The following ERG variants were observed in gnomAD, a reference collection of about 807,000 sequenced individuals.
ERG encodes ETS transcription factor ERG.
A neutral mutation model predicts 55.3 loss-of-function variants in ERG; 9 were observed. The observed-to-expected ratio is 0.16, with a 90% CI of 0.10 to 0.28. ERG has a LOEUF of 0.28. ERG is among the 10% of genes least tolerant of loss of function. The probability of loss-of-function intolerance (pLI) is 1.00; values close to 1 mark genes in which losing one functional copy is unlikely to be tolerated. For missense variants in ERG, 434 were observed against 631.6 expected, an observed-to-expected ratio of 0.69 and a Z score of 3.35; for synonymous variants, 223 against 237.3, an observed-to-expected ratio of 0.94 and a Z score of 0.55.
chr21:38,479,032 C>A (rs80109907), intron 1 of ERG, among the ~76,000 whole-genome samples: 3,215 of 152,260 alleles, frequency 0.021, 61 homozygotes, highest in East Asian at 0.083. Context: ...AGGAAAACCA[C>A]AACATCATAC....
intron 5 of ERG, among the ~76,000 whole-genome samples, chr21:38,401,994 AG>A (rs1988517489): frequency 1.3e-5 from 2 of 152,234 alleles, no homozygotes; most frequent in Non-Finnish European, 2.9e-5. Flanking sequence ...AAATTATAGC[AG>A]AGGTTCCCTC....
chr21:38,527,444 C>T (rs1461248783), intron 2 of ERG, among the ~76,000 whole-genome samples: 1 of 152,154 alleles, frequency 6.6e-6, no homozygotes, highest in Non-Finnish European at 1.5e-5. Context: ...AGAGAGAATG[C>T]TTAGTGAACG....
At chr21:38,367,685 TGAAAA>T in the ERG span, 1 of 501,896 alleles carries the variant, frequency 2.0e-6, no homozygotes, top group Non-Finnish European at 3.9e-6. Flanking sequence ...GCTCCACTCT[TGAAAA>T]GAGGAAAATC....
chr21:38,549,943 GA>G (rs1438621794), intron 2 of ERG, among the ~76,000 whole-genome samples: 1 of 152,124 alleles, frequency 6.6e-6, no homozygotes, highest in Non-Finnish European at 1.5e-5. Flanking sequence ...AGGTTACACG[GA>G]AAAATTCTAC....
At chr21:38,513,222 T>C (rs971438340) in intron 2 of ERG, among the ~76,000 whole-genome samples, 3 of 152,080 alleles carry the variant, frequency 2.0e-5, no homozygotes, top group African/African-American at 7.2e-5. Context: ...AGCTTATTCA[T>C]TGAGACAAGA....
intron 1 of ERG, among the ~76,000 whole-genome samples, chr21:38,456,435 A>C (rs927233374): frequency 2.6e-5 from 4 of 152,196 alleles, no homozygotes; most frequent in African/African-American, 7.2e-5. Context: ...AATAATAATA[A>C]ATAAAAAAAT....
In ERG at chr21:38,556,094, T is replaced by C. The variant is rs2059856596; in HGVS notation, c.-41+19568A>G. Among the ~76,000 whole-genome samples the C allele has an allele frequency of 3.3e-5, 5 of 152,112 alleles. No individual in the cohort carries two copies. The South Asian group carries it at 8.3e-4, about 25-fold the overall frequency. ...GTATAGAATATACATAGGATGAAAT[T>C]GCATAGGTCACTAAACAGTTTCTAG... On this transcript the variant is annotated intron_variant, in intron 2 of 8. Transcript: ENST00000398897.
In ERG at chr21:38,429,558, CATGTAT is replaced by C. The variant is rs1224526586; in HGVS notation, c.237-6003_237-5998del. On this transcript the variant is annotated intron_variant, in intron 2 of 9. Transcript: ENST00000288319. Reference sequence around the variant, plus strand: ...ACATATATACATATGTGTATATGTACATGTATACACATGTACATATATACATATGTG... The same window carrying C: ...ACATATATACATATGTGTATATGTACACACATGTACATATATACATATGTG... 2.5e-4 allele frequency among the ~76,000 whole-genome samples: 6 copies of C among 24,236 alleles called. 3 individuals carry two copies. Among genetic ancestry groups the C allele is most frequent in the Non-Finnish European group, 7.5e-4 (6 of 7,950 alleles). 15.9% of individuals were successfully genotyped at this position (24,236 alleles called of 152,430 possible).
chr21:38,397,596 C>CAAAAAAAAAAAAA (rs61047146), intron 6 of ERG, among the ~76,000 whole-genome samples: 1 of 67,162 alleles, frequency 1.5e-5, no homozygotes, highest in African/African-American at 7.1e-5. Context: ...GACTCCATCT[C>CAAAAAAAAAAAAA]AAAAAAAAAA....
chr21:38,576,327 G>A (rs890204379), intron 1 of ERG, among the ~76,000 whole-genome samples: 5 of 152,114 alleles, frequency 3.3e-5, no homozygotes, highest in Admixed American at 2.6e-4. Flanking sequence ...AGCTGTGGAC[G>A]TCAAGACTCA....
intron 1 of ERG, among the ~76,000 whole-genome samples, chr21:38,651,093 T>C (rs1404170981): frequency 6.6e-6 from 1 of 152,256 alleles, no homozygotes; most frequent in African/African-American, 2.4e-5. Context: ...CCGCACTATT[T>C]GTTAGCTGGC....
chr21:38,539,086 T>C (rs981789125), intron 2 of ERG, among the ~76,000 whole-genome samples: 2 of 152,216 alleles, frequency 1.3e-5, no homozygotes, highest in Non-Finnish European at 2.9e-5. Context: ...TATTGTGAGC[T>C]GAAGGCACTT....
chr21:38,636,358 G>A (rs1004057482), intron 1 of ERG, among the ~76,000 whole-genome samples: 2 of 152,156 alleles, frequency 1.3e-5, no homozygotes, highest in African/African-American at 2.4e-5. Context: ...TTTCACACCC[G>A]TCTCCAGGAG....
chr21:38,661,073 G>A (rs1190381692), intron 1 of ERG, among the ~76,000 whole-genome samples: 6 of 151,772 alleles, frequency 4.0e-5, no homozygotes, highest in African/African-American at 9.7e-5. Context: ...TGGGACGGCC[G>A]GAGGAGAGAG....
intron 1 of ERG, among the ~76,000 whole-genome samples, chr21:38,653,999 T>C (rs2060503473): frequency 1.3e-5 from 2 of 152,364 alleles, no homozygotes; most frequent in African/African-American, 4.8e-5. Flanking sequence ...TACACATACT[T>C]ATGAAATGAT....
At chr21:38,558,059 T>TGG (rs36111453) in intron 2 of ERG, among the ~76,000 whole-genome samples, 28 of 151,444 alleles carry the variant, frequency 1.8e-4, no homozygotes, top group African/African-American at 6.3e-4. Context: ...TGCTAAGTTT[T>TGG]GGGGGGGGGT....
intron 2 of ERG, among the ~76,000 whole-genome samples, chr21:38,504,944 T>C (rs1282225363): frequency 2.6e-5 from 4 of 152,252 alleles, no homozygotes; most frequent in Non-Finnish European, 4.4e-5. Flanking sequence ...AAATACAGAT[T>C]ACTTCTTAAA....
chr21:38,590,608 T>G (rs201510527), intron 1 of ERG, among the ~76,000 whole-genome samples: 1 of 107,476 alleles, frequency 9.3e-6, no homozygotes, highest in African/African-American at 3.2e-5. Context: ...ATCCATGTAT[T>G]CATGTATTCA....
intron 3 of ERG, among the ~76,000 whole-genome samples, chr21:38,408,227 C>G (rs1988864536): frequency 6.6e-6 from 1 of 152,180 alleles, no homozygotes; most frequent in Non-Finnish European, 1.5e-5. Context: ...GGAGGTGTTG[C>G]AATAGAGGAC....
Sources: gnomAD v4.1 joint callset for allele counts (sites outside exome capture counted in the v4.1 genomes callset) on GRCh38, gnomAD v4.1.1 for gene constraint, MANE v1.5 for transcripts, NCBI Gene and HGNC (gene_info 2026-07-23, HGNC 2026-07-21) for gene names.